The following AKAP6 variants were observed in gnomAD, a reference collection of about 807,000 sequenced individuals.
AKAP6 encodes A-kinase anchor protein 6.
In AKAP6, 58 loss-of-function variants were observed where a neutral mutation model predicts 188.5. The observed-to-expected ratio is 0.31, with a 90% CI of 0.25 to 0.38. AKAP6 has a LOEUF of 0.38. Among genes scored for constraint, AKAP6 ranks in the 10% least tolerant of loss-of-function variants. The pLI, the probability that AKAP6 is intolerant of heterozygous loss-of-function variation, is 1.00. For synonymous variants in AKAP6, 989 were observed against 998.6 expected, an observed-to-expected ratio of 0.99 and a Z score of 0.18; for missense variants, 2,710 against 2,740.0, an observed-to-expected ratio of 0.99 and a Z score of 0.24.
intron 1 of AKAP6, among the ~76,000 whole-genome samples, chr14:32,332,688 C>G (rs1001823628): frequency 6.6e-6 from 1 of 152,046 alleles, no homozygotes; most frequent in Non-Finnish European, 1.5e-5. Context: ...GCTGTTGCAC[C>G]AGGTTCTGTT....
At chr14:32,758,655 C>A (rs1410416021) in intron 11 of AKAP6, among the ~76,000 whole-genome samples, 2 of 152,116 alleles carry the variant, frequency 1.3e-5, no homozygotes, top group Non-Finnish European at 2.9e-5. Flanking sequence ...ATCGCTTGAA[C>A]CCAGGAGGAG....
intron 7 of AKAP6, among the ~76,000 whole-genome samples, chr14:32,663,578 C>A (rs1888795053): frequency 6.6e-6 from 1 of 151,988 alleles, no homozygotes; most frequent in African/African-American, 2.4e-5. Context: ...AGGTGCTAGC[C>A]ACATGAAGAA....
At chr14:32,758,737 A>AAAAC in intron 11 of AKAP6, among the ~76,000 whole-genome samples, 1 of 152,318 alleles carries the variant, frequency 6.6e-6, no homozygotes, top group Non-Finnish European at 1.5e-5. Context: ...CCATCTCAAA[A>AAAAC]AAACAAACAA....
At chr14:32,779,415 CAA>C (rs56103737) in intron 12 of AKAP6, among the ~76,000 whole-genome samples, 1 of 105,378 alleles carries the variant, frequency 9.5e-6, no homozygotes, top group African/African-American at 3.9e-5. Context: ...GTCTCAGGAC[CAA>C]AAAAAAAAAA....
intron 7 of AKAP6, 29 bp downstream of exon 7, chr14:32,600,821 C>A: frequency 6.4e-7 from 1 of 1,565,536 alleles, no homozygotes; most frequent in South Asian, 1.2e-5. Context: ...GCCTTATTTC[C>A]TCTTATTTCT....
intron 4 of AKAP6, among the ~76,000 whole-genome samples, chr14:32,562,926 CT>C (rs1013401424): frequency 6.6e-6 from 1 of 151,984 alleles, no homozygotes; most frequent in Non-Finnish European, 1.5e-5. Context: ...GTATTTATTC[CT>C]GTTAAGAAGA....
In AKAP6 at chr14:32,536,957, T is replaced by A. The variant is rs1033077463; in HGVS notation, c.576+1152T>A. Among the ~76,000 whole-genome samples, 23 of 152,208 alleles carry A rather than the reference T, an allele frequency of 1.5e-4. 1 individual carries two copies. Among genetic ancestry groups the A allele is most frequent in the Admixed American group, 1.5e-3 (23 of 15,282 alleles). The stretch of plus-strand genomic sequence containing the variant: ...CCAGTTTAGTGTTCTACTATTAGTT[T>A]GTGGAAAACATATATTCTACAAGTT... On this transcript the variant is annotated intron_variant, in intron 3 of 13. Transcript: ENST00000280979.
Position 32,596,371 on chromosome 14 carries a change from G to A in AKAP6, c.2470-3039G>A, listed in dbSNP as rs147513858. ...AATCAGTGGGAATTCTCAAAGTTTGGTCCTGCCAATAAGTAGTACATCCAG... is the reference window on the plus strand; with the variant it reads ...AATCAGTGGGAATTCTCAAAGTTTGATCCTGCCAATAAGTAGTACATCCAG... On this transcript the variant is annotated intron_variant, in intron 5 of 13. Transcript: ENST00000280979. 3.3e-3 allele frequency among the ~76,000 whole-genome samples: 503 copies of A among 152,268 alleles called. 4 individuals carry two copies. The highest frequency in any genetic ancestry group is 0.012 in the African/African-American group (487 of 41,560).
At chr14:32,684,863 A>G (rs1394972214) in intron 8 of AKAP6, among the ~76,000 whole-genome samples, 2 of 152,200 alleles carry the variant, frequency 1.3e-5, no homozygotes, top group Admixed American at 1.3e-4. Flanking sequence ...TGTTGCAGAC[A>G]GTAGTATGAG....
At chr14:32,587,346 C>T (rs1885297268) in intron 5 of AKAP6, among the ~76,000 whole-genome samples, 1 of 152,084 alleles carries the variant, frequency 6.6e-6, no homozygotes, top group Non-Finnish European at 1.5e-5. Flanking sequence ...ACGGATATCT[C>T]AACAGTTTGA....
intron 11 of AKAP6, among the ~76,000 whole-genome samples, chr14:32,744,783 G>A (rs2031826118): frequency 6.6e-6 from 1 of 151,926 alleles, no homozygotes; most frequent in Non-Finnish European, 1.5e-5. Context: ...GACCTTGGAG[G>A]CCTACTTCAT....
chr14:32,507,348 C>T (rs895797381), intron 2 of AKAP6, among the ~76,000 whole-genome samples: 32 of 152,194 alleles, frequency 2.1e-4, no homozygotes, highest in African/African-American at 6.8e-4. Context: ...CATCCAGTAT[C>T]TCACAATGTA....
chr14:32,329,768 G>A (rs1239663370), intron 1 of AKAP6, among the ~76,000 whole-genome samples: 1 of 152,060 alleles, frequency 6.6e-6, no homozygotes, highest in Non-Finnish European at 1.5e-5. Context: ...TTGGGAGGCA[G>A]AGCTAATTGG....
At chr14:32,439,635 G>T (rs905337114) in intron 2 of AKAP6, among the ~76,000 whole-genome samples, 2 of 152,178 alleles carry the variant, frequency 1.3e-5, no homozygotes, top group Non-Finnish European at 2.9e-5. Context: ...TGCCACCAAG[G>T]TGACAACTGT....
chr14:32,589,325 TGGCAACATTACTTC>T (rs1885380986), intron 5 of AKAP6, among the ~76,000 whole-genome samples: 1 of 152,220 alleles, frequency 6.6e-6, no homozygotes, highest in Non-Finnish European at 1.5e-5. Flanking sequence ...TAGTGGGAAG[TGGCAACATTACTTC>T]TCTTTGGTGG....
chr14:32,530,961 T>C (rs1882387573), intron 2 of AKAP6, among the ~76,000 whole-genome samples: 1 of 152,156 alleles, frequency 6.6e-6, no homozygotes, highest in Non-Finnish European at 1.5e-5. Context: ...CAGTCTCAGG[T>C]CACCTCAGTG....
chr14:32,623,418 A>G (rs1463869952), intron 7 of AKAP6, among the ~76,000 whole-genome samples: 1 of 152,162 alleles, frequency 6.6e-6, no homozygotes, highest in Non-Finnish European at 1.5e-5. Flanking sequence ...TGACTTAACA[A>G]TGACTTACCT....
intron 2 of AKAP6, among the ~76,000 whole-genome samples, chr14:32,451,881 G>C (rs1890946849): frequency 6.6e-6 from 1 of 151,992 alleles, no homozygotes; most frequent in Non-Finnish European, 1.5e-5. Flanking sequence ...ATTGGATAGT[G>C]CTGATTGATG....
At chr14:32,767,848 G>T (rs2032766466) in intron 11 of AKAP6, among the ~76,000 whole-genome samples, 5 of 152,074 alleles carry the variant, frequency 3.3e-5, no homozygotes, top group African/African-American at 1.2e-4. Context: ...TTACATTTGG[G>T]TCATGGCCTC....
Sources: allele counts gnomAD v4.1 joint callset (sites outside exome capture counted in the v4.1 genomes callset), GRCh38; gene constraint gnomAD v4.1.1; transcripts MANE v1.5; gene names NCBI Gene and HGNC (gene_info 2026-07-23, HGNC 2026-07-21).